Variants in SAMMSON observed in about 807,000 individuals in gnomAD.
SAMMSON encodes the protein survival associated mitochondrial melanoma specific oncogenic non-coding RNA.
intron 2 of SAMMSON, among the ~76,000 whole-genome samples, chr3:70,421,641 C>G (rs746763397): frequency 8.5e-5 from 13 of 152,070 alleles, no homozygotes; most frequent in Non-Finnish European, 1.6e-4. Context: ...TCTTAGTGCT[C>G]AGAGACAGTA....
chr3:70,015,992 T>C (rs1447005506), intron 3 of SAMMSON, among the ~76,000 whole-genome samples: 1 of 152,196 alleles, frequency 6.6e-6, no homozygotes, highest in African/African-American at 2.4e-5. Flanking sequence ...GTTGCAAGTC[T>C]TTGCTGTTGT....
chr3:70,126,367 T>C, intron 4 of SAMMSON: 1 of 1,026,342 alleles, frequency 9.7e-7, no homozygotes, highest in Non-Finnish European at 1.5e-6. Context: ...TGATGGAGTC[T>C]TGTCAATGCC....
intron 6 of SAMMSON, among the ~76,000 whole-genome samples, chr3:70,289,651 G>T (rs1397858871): frequency 2.0e-5 from 3 of 151,758 alleles, no homozygotes; most frequent in Non-Finnish European, 2.9e-5. Context: ...ATCCTGCAGA[G>T]TGTTTTCCAA....
intron 4 of SAMMSON, chr3:70,125,136 G>A (rs1172908124): frequency 6.5e-6 from 10 of 1,549,854 alleles, no homozygotes; most frequent in Non-Finnish European, 8.9e-6. Flanking sequence ...ACCACCATGG[G>A]TTTTCCAAAA....
At chr3:70,126,256 T>A in intron 4 of SAMMSON, 1 of 242,024 alleles carries the variant, frequency 4.1e-6, no homozygotes, top group Non-Finnish European at 6.8e-6. Flanking sequence ...TCATCAGACC[T>A]TTTTTTTTTT....
intron 2 of SAMMSON, among the ~76,000 whole-genome samples, chr3:70,403,410 A>G (rs1575642165): frequency 6.6e-6 from 1 of 152,310 alleles, no homozygotes; most frequent in Non-Finnish European, 1.5e-5. Flanking sequence ...ATGGATGTTC[A>G]TGTTTGAGAG....
chr3:70,005,567 CAG>C (rs1211384861), intron 1 of SAMMSON, among the ~76,000 whole-genome samples: 2 of 152,122 alleles, frequency 1.3e-5, no homozygotes, highest in African/African-American at 4.8e-5. Flanking sequence ...CCAGAACTGG[CAG>C]AGTGTCACCC....
intron 4 of SAMMSON, chr3:70,125,053 C>T: frequency 1.2e-6 from 1 of 801,844 alleles, no homozygotes. Flanking sequence ...CAAAAGAAAC[C>T]TTTATTAATT....
At chr3:70,271,393 C>A (rs1701974561) in intron 6 of SAMMSON, among the ~76,000 whole-genome samples, 2 of 152,166 alleles carry the variant, frequency 1.3e-5, no homozygotes, top group South Asian at 4.1e-4. Flanking sequence ...CCAATGGTTC[C>A]AGCTCACTGG....
chr3:70,030,392 G>A (rs189519134), intron 3 of SAMMSON: 8 of 152,288 alleles, frequency 5.3e-5, no homozygotes, highest in African/African-American at 1.9e-4. Context: ...GTTCTGATGG[G>A]TGATCATCTT....
At chr3:70,383,947 T>C (rs576762951) in intron 9 of SAMMSON, among the ~76,000 whole-genome samples, 5 of 152,210 alleles carry the variant, frequency 3.3e-5, no homozygotes, top group African/African-American at 1.2e-4. Flanking sequence ...TGTCAATTTT[T>C]ATTAAGCAAA....
chr3:70,347,259 T>TAGAA (rs1424441464), intron 7 of SAMMSON, among the ~76,000 whole-genome samples: 1 of 152,250 alleles, frequency 6.6e-6, no homozygotes, highest in African/African-American at 2.4e-5. Flanking sequence ...TTAGATTTTA[T>TAGAA]TTAAGCAAAG....
chr3:70,047,611 G>C (rs540640728), intron 3 of SAMMSON, among the ~76,000 whole-genome samples: 1 of 152,184 alleles, frequency 6.6e-6, no homozygotes, highest in East Asian at 1.9e-4. Flanking sequence ...CGGGATTATA[G>C]GCATGAGCCA....
chr3:70,412,126 G>T (rs1032841843), intron 2 of SAMMSON, among the ~76,000 whole-genome samples: 1 of 152,078 alleles, frequency 6.6e-6, no homozygotes, highest in Non-Finnish European at 1.5e-5. Context: ...ATTCAATGCT[G>T]ATGAAAGTAA....
At position 70,357,020 on chromosome 3, in the gene SAMMSON, G is replaced by A. The variant is rs192297580; in HGVS notation, n.843-1234G>A. Among the ~76,000 whole-genome samples, 232 of 152,258 alleles carry A rather than the reference G, an allele frequency of 1.5e-3. 2 individuals carry two copies. The highest frequency in any genetic ancestry group is 2.1e-4 in the Non-Finnish European group (14 of 68,012). ...ACCTACTTTTGAAGTAGAATTAGTA[G>A]AGCCTGTAATCTAGAGAAGAAAAAT... On this transcript the variant is annotated intron_variant and non_coding_transcript_variant, in intron 8 of 9. Coordinates refer to ENST00000642114, the Ensembl canonical transcript of SAMMSON.
intron 3 of SAMMSON, among the ~76,000 whole-genome samples, chr3:70,019,648 T>A (rs1014951980): frequency 6.6e-6 from 1 of 152,200 alleles, no homozygotes; most frequent in African/African-American, 2.4e-5. Flanking sequence ...GTTATTCTGC[T>A]CGTCAGTTGA....
chr3:70,114,743 A>C (rs1249802570), intron 4 of SAMMSON, among the ~76,000 whole-genome samples: 3 of 152,214 alleles, frequency 2.0e-5, no homozygotes, highest in African/African-American at 7.2e-5. Flanking sequence ...GATGATACAC[A>C]GTGAATCTAT....
At chr3:70,135,854 A>G (rs1247312983) in intron 4 of SAMMSON, among the ~76,000 whole-genome samples, 2 of 151,898 alleles carry the variant, frequency 1.3e-5, no homozygotes, top group Non-Finnish European at 2.9e-5. Context: ...TTCTCCATCT[A>G]ATTCCTTGCT....
intron 7 of SAMMSON, among the ~76,000 whole-genome samples, chr3:70,306,928 ATTGACT>A (rs1187539432): frequency 1.3e-5 from 2 of 152,128 alleles, no homozygotes; most frequent in African/African-American, 4.8e-5. Flanking sequence ...ATATATACAC[ATTGACT>A]TTGACTTTGC....
Sources: gnomAD v4.1 joint callset for allele counts (sites outside exome capture counted in the v4.1 genomes callset) on GRCh38, gnomAD v4.1.1 for gene constraint, MANE v1.5 for transcripts, NCBI Gene and HGNC (gene_info 2026-07-23, HGNC 2026-07-21) for gene names.